Variants in ROBO2 observed in about 807,000 individuals in gnomAD.
ROBO2 encodes roundabout guidance receptor 2.
Under a neutral mutation model 160.8 loss-of-function variants are expected in ROBO2, and 53 were observed. The ratio of observed to expected loss-of-function variants is 0.33; its 90% confidence interval spans 0.26 to 0.41. The LOEUF is 0.41. Ranked by LOEUF, ROBO2 falls within the 10% of genes least tolerant of loss-of-function variation. The probability of loss-of-function intolerance (pLI) is 1.00; values close to 1 mark genes in which losing one functional copy is unlikely to be tolerated. For synonymous variants in ROBO2, 664 were observed against 611.7 expected, an observed-to-expected ratio of 1.09 and a Z score of -1.26; for missense variants, 1,577 against 1,722.4, an observed-to-expected ratio of 0.92 and a Z score of 1.49.
intron 5 of ROBO2, among the ~76,000 whole-genome samples, chr3:77,515,773 C>T (rs755398285): frequency 1.4e-4 from 21 of 151,718 alleles, no homozygotes; most frequent in East Asian, 3.9e-4. Context: ...ATGAAAATTG[C>T]GCCAGAAGAC....
chr3:77,186,249 T>C (rs1649721915), intron 2 of ROBO2, among the ~76,000 whole-genome samples: 1 of 151,786 alleles, frequency 6.6e-6, no homozygotes. Context: ...TTTAATGTCA[T>C]GGGGAGATTA....
At chr3:77,109,287 G>A (rs1240371053) in intron 2 of ROBO2, among the ~76,000 whole-genome samples, 1 of 152,148 alleles carries the variant, frequency 6.6e-6, no homozygotes, top group African/African-American at 2.4e-5. Flanking sequence ...AAGTTCTAGA[G>A]ATCTGTTACA....
chr3:76,075,289 T>C (rs893432281), intron 2 of ROBO2, among the ~76,000 whole-genome samples: 1 of 151,926 alleles, frequency 6.6e-6, no homozygotes, highest in Non-Finnish European at 1.5e-5. Flanking sequence ...ATTGTGTCCT[T>C]ATTACCAGGA....
intron 2 of ROBO2, among the ~76,000 whole-genome samples, chr3:76,339,151 GC>G (rs1262981682): frequency 6.6e-6 from 1 of 151,914 alleles, no homozygotes; most frequent in African/African-American, 2.4e-5. Context: ...ACTTCAGTTT[GC>G]CTTTTTAGAG....
At chr3:77,459,502 T>C (rs962026099) in intron 2 of ROBO2, among the ~76,000 whole-genome samples, 8 of 152,212 alleles carry the variant, frequency 5.3e-5, no homozygotes, top group African/African-American at 1.4e-4. Flanking sequence ...ATGAACTTGG[T>C]TCCTGCCTTT....
chr3:77,565,220 T>G, intron 12 of ROBO2, 100 bp downstream of exon 13: 2 of 1,307,060 alleles, frequency 1.5e-6, no homozygotes, highest in Non-Finnish European at 2.2e-6. Flanking sequence ...CCTGCATTGC[T>G]TTGTATGATG....
chr3:76,503,909 G>A (rs368723356), intron 2 of ROBO2, among the ~76,000 whole-genome samples: 25 of 152,262 alleles, frequency 1.6e-4, no homozygotes, highest in Non-Finnish European at 2.6e-4. Context: ...TTCACTGAAC[G>A]TGTCTGGTTT....
At chr3:77,288,101 G>A (rs755026887) in intron 2 of ROBO2, among the ~76,000 whole-genome samples, 9 of 152,180 alleles carry the variant, frequency 5.9e-5, no homozygotes, top group Non-Finnish European at 1.3e-4. Context: ...TTTTATGTGT[G>A]TAATGATGAA....
chr3:77,447,229 A>G (rs543571244), intron 2 of ROBO2, among the ~76,000 whole-genome samples: 1 of 152,282 alleles, frequency 6.6e-6, no homozygotes, highest in Admixed American at 6.5e-5. Flanking sequence ...TTGATAGTCC[A>G]TAAATATCTG....
At chr3:76,172,430 A>T (rs1387815195) in intron 2 of ROBO2, among the ~76,000 whole-genome samples, 1 of 113,442 alleles carries the variant, frequency 8.8e-6, no homozygotes, top group Non-Finnish European at 1.8e-5. Context: ...CTTAAAGTAT[A>T]ATAATTAAAA....
At chr3:77,602,611 A>C in intron 20 of ROBO2, 120 bp downstream of exon 21, 1 of 1,202,666 alleles carries the variant, frequency 8.3e-7, no homozygotes, top group South Asian at 1.2e-5. Flanking sequence ...AAACTAAAAA[A>C]AGATACCAGC....
chr3:75,965,142 T>C (rs995677898), intron 2 of ROBO2: 6 of 151,788 alleles, frequency 4.0e-5, no homozygotes, highest in African/African-American at 1.4e-4. Flanking sequence ...GCAATTGAAA[T>C]TTTCACCCAA....
At chr3:76,934,921 GT>G (rs370344162) in intron 2 of ROBO2, among the ~76,000 whole-genome samples, 1 of 148,372 alleles carries the variant, frequency 6.7e-6, no homozygotes, top group Non-Finnish European at 1.5e-5. Flanking sequence ...CTTTTAAACT[GT>G]TTTTACTTTA....
At chr3:76,309,050 AT>A (rs996255065) in intron 2 of ROBO2, among the ~76,000 whole-genome samples, 188 of 150,026 alleles carry the variant, frequency 1.3e-3, no homozygotes, top group African/African-American at 3.4e-3. Context: ...GGGCCAAGAC[AT>A]TTTTTTTTTA....
At chr3:76,223,687 C>A (rs1005374733) in intron 2 of ROBO2, among the ~76,000 whole-genome samples, 1 of 152,130 alleles carries the variant, frequency 6.6e-6, no homozygotes, top group Non-Finnish European at 1.5e-5. Flanking sequence ...ATCTGAGTAT[C>A]AGCAATATCA....
At chr3:76,504,941 C>T (rs1292756109) in intron 2 of ROBO2, among the ~76,000 whole-genome samples, 1 of 152,066 alleles carries the variant, frequency 6.6e-6, no homozygotes, top group Non-Finnish European at 1.5e-5. Flanking sequence ...CAAATTTCAT[C>T]ATTGGCTTAG....
At chr3:77,041,432 G>T (rs1268138592) in intron 1 of ROBO2, among the ~76,000 whole-genome samples, 1 of 152,182 alleles carries the variant, frequency 6.6e-6, no homozygotes, top group Non-Finnish European at 1.5e-5. Context: ...ATCAGCTATG[G>T]GCTGGCCACA....
chr3:76,834,052 C>G (rs1348496590), intron 2 of ROBO2, among the ~76,000 whole-genome samples: 1 of 47,100 alleles, frequency 2.1e-5, no homozygotes, highest in African/African-American at 8.2e-5. Flanking sequence ...TTCTTTCTCT[C>G]CTTTCTTTCT....
intron 2 of ROBO2, among the ~76,000 whole-genome samples, chr3:76,219,763 G>T (rs1287270839): frequency 6.6e-6 from 1 of 152,218 alleles, no homozygotes; most frequent in East Asian, 1.9e-4. Context: ...GTGGAAGTCA[G>T]TGTGGCAATT....
Sources: gnomAD v4.1 joint callset for allele counts (sites outside exome capture counted in the v4.1 genomes callset) on GRCh38, gnomAD v4.1.1 for gene constraint, MANE v1.5 for transcripts, NCBI Gene and HGNC (gene_info 2026-07-23, HGNC 2026-07-21) for gene names.